Variants in SLC19A1 observed in about 807,000 individuals in gnomAD.
The protein encoded by SLC19A1 is reduced folate transporter.
A neutral mutation model predicts 35.3 loss-of-function variants in SLC19A1; 37 were observed. That is an observed-to-expected ratio of 1.05 (90% CI 0.81 to 1.38). The LOEUF (loss-of-function observed/expected upper bound fraction) is 1.38. Ranked by LOEUF, SLC19A1 falls within the 40% of genes most tolerant of loss-of-function variation. SLC19A1 has a pLI of 0.00. For missense variants in SLC19A1, 831 were observed against 826.9 expected, an observed-to-expected ratio of 1.00 and a Z score of -0.06; for synonymous variants, 460 against 398.5, an observed-to-expected ratio of 1.15 and a Z score of -1.84.
In SLC19A1 at chr21:45,504,479, G is replaced by A. The variant is rs746414569; in HGVS notation, c.498-5867C>T. 83 of 1,603,646 alleles carry A rather than the reference G, an allele frequency of 5.2e-5. No homozygotes were observed. Among genetic ancestry groups the A allele is most frequent in the South Asian group, 1.8e-4 (16 of 90,672 alleles). On this transcript the variant is annotated intron_variant, in intron 3 of 4. Coordinates refer to the SLC19A1 transcript ENST00000417954. Reference sequence around the variant, plus strand: ...CGAAAGGGGGGAGCCCGGGGGCGGCGGTTTCTTCGGCTCCAGCCTGCCCGG... The same window carrying A: ...CGAAAGGGGGGAGCCCGGGGGCGGCAGTTTCTTCGGCTCCAGCCTGCCCGG...
chr21:45,525,764 T>A lies in SLC19A1; in HGVS notation c.1293+53A>T, dbSNP rs2077588995. ...GGCGGGCACCAGGAGGCCTCAACAA[T>A]GTCCCCACAAGTAGCTTCCATCCCC... On this transcript the variant is annotated intron_variant, in intron 5 of 5. Transcript: ENST00000311124. 10 of 1,595,274 alleles carry A rather than the reference T, an allele frequency of 6.3e-6. No individual in the cohort carries two copies. In the South Asian group the frequency reaches 1.1e-4, roughly 18 times the overall value.
Position 45,506,656 on chromosome 21 carries a change from C to T in SLC19A1, c.498-8044G>A, listed in dbSNP as rs564074999. ...TGCCGCCGAAACGGCCTGTGACATC[C>T]GTGGGAGCCTCCATGGCAGAACACT... is the stretch of plus-strand genomic sequence containing the variant. On this transcript the variant is annotated intron_variant, in intron 3 of 4. Coordinates refer to the SLC19A1 transcript ENST00000417954. 4.7e-5 allele frequency: 8 copies of T among 170,914 alleles called. No homozygotes were observed. The South Asian group carries it at 6.6e-4, about 14-fold the overall frequency. The allele number at this position is 170,914 out of a possible 1,614,324, so 10.6% of individuals were successfully genotyped here.
In SLC19A1 at chr21:45,515,424, A is replaced by G. The variant is rs1265941656; in HGVS notation, c.*234T>C. The G allele has an allele frequency of 6.4e-6, 9 of 1,400,502 alleles. No individual in the cohort carries two copies. The highest frequency in any genetic ancestry group is 7.3e-6 in the Non-Finnish European group (8 of 1,093,562). The allele number at this position is 1,400,502 out of a possible 1,614,324, so 86.8% of individuals were successfully genotyped here. A position where few individuals can be genotyped will look rare whatever the true frequency, so the allele number is the denominator to read the frequency against. On this transcript the variant is annotated 3_prime_UTR_variant, in exon 6 of 6. Transcript: ENST00000311124. ...CAGAAGCCCACCACCCACCTCTTCC[A>G]GCAACAAAGCCCGCGGGGCACAGTG... is the stretch of plus-strand genomic sequence containing the variant.
At position 45,514,257 on chromosome 21, in the gene SLC19A1, AC is replaced by A. The variant is rs143496464; in HGVS notation, c.*1400del. ...CGAGCCCAGGAAATGGCTGGTGCAGACCCCCCCCCAAGCAGGGTCCCCAGGG... is the reference window on the plus strand; with the variant it reads ...CGAGCCCAGGAAATGGCTGGTGCAGACCCCCCCCAAGCAGGGTCCCCAGGG... On this transcript the variant is annotated 3_prime_UTR_variant, in exon 6 of 6. Transcript: ENST00000311124. The A allele has an allele frequency of 1.1e-3, 158 of 147,690 alleles. 2 individuals carry two copies. The highest frequency in any genetic ancestry group is 3.4e-3 in the African/African-American group (137 of 39,834). 9.1% of individuals were successfully genotyped at this position (147,690 alleles called of 1,614,324 possible). A position where few individuals can be genotyped will look rare whatever the true frequency, so the allele number is the denominator to read the frequency against.
chr21:45,509,288 G>C (rs2146118611), downstream of SLC19A1: 6 of 1,530,930 alleles, frequency 3.9e-6, no homozygotes, highest in Non-Finnish European at 5.2e-6. Flanking sequence ...GCCCAGAGGA[G>C]GACACAGATG....
At chr21:45,529,860 G>C (rs2077798239) in intron 4 of SLC19A1, among the ~76,000 whole-genome samples, 3 of 151,332 alleles carry the variant, frequency 2.0e-5, no homozygotes, top group Non-Finnish European at 4.4e-5. Flanking sequence ...CCATGTGTAA[G>C]CATATGGTGC....
intron 1 of SLC19A1, among the ~76,000 whole-genome samples, chr21:45,542,086 C>G (rs2078325868): frequency 6.8e-6 from 1 of 147,246 alleles, no homozygotes; most frequent in African/African-American, 2.5e-5. Flanking sequence ...CCGGCCACGC[C>G]CCGCACCCTC....
At chr21:45,509,991 G>C (rs2037479043), downstream of SLC19A1, 1 of 1,498,752 alleles carries the variant, frequency 6.7e-7, no homozygotes, top group Admixed American at 2.0e-5. Context: ...TGCGGGGCCG[G>C]GGTGGTGCGC....
intron 3 of SLC19A1, chr21:45,503,856 T>C: frequency 3.4e-6 from 2 of 590,254 alleles, no homozygotes; most frequent in South Asian, 2.4e-5. Context: ...TCAGAAAGTA[T>C]CGGTTAACTA....
intron 1 of SLC19A1, among the ~76,000 whole-genome samples, chr21:45,560,630 G>A (rs1025118507): frequency 4.6e-5 from 7 of 152,250 alleles, no homozygotes; most frequent in African/African-American, 1.7e-4. Context: ...GGCCGCACAC[G>A]GCGGGGCAGG....
upstream of SLC19A1, among the ~76,000 whole-genome samples, chr21:45,547,196 G>A (rs778612503): frequency 6.6e-6 from 1 of 152,164 alleles, no homozygotes. Context: ...TCTCTATACC[G>A]AAAGCTGCAG....
downstream of SLC19A1, chr21:45,509,572 G>A (rs754037826): frequency 3.6e-5 from 54 of 1,521,116 alleles, no homozygotes; most frequent in South Asian, 2.7e-4. Flanking sequence ...AAGCCCACCC[G>A]CCCACAGCCA....
At position 45,514,213 on chromosome 21, in the gene SLC19A1, T is replaced by A. The variant is rs1326587600; in HGVS notation, c.*1445A>T. On this transcript the variant is annotated 3_prime_UTR_variant, in exon 6 of 6. Transcript: ENST00000311124. ...CACAGGCCCAGCCCACCTCCACCCATCACATCCTGCTAGATCTACGAGCCC... is the reference window on the plus strand; with the variant it reads ...CACAGGCCCAGCCCACCTCCACCCAACACATCCTGCTAGATCTACGAGCCC... 6.6e-6 allele frequency: 1 copy of A among 151,146 alleles called. No homozygotes were observed. Among genetic ancestry groups the A allele is most frequent in the Non-Finnish European group, 1.5e-5 (1 of 68,026 alleles). The allele number at this position is 151,146 out of a possible 1,614,324, so 9.4% of individuals were successfully genotyped here.
chr21:45,546,518 A>C (rs916485830), upstream of SLC19A1, among the ~76,000 whole-genome samples: 3 of 152,244 alleles, frequency 2.0e-5, no homozygotes, highest in Admixed American at 6.5e-5. Context: ...CTGGCCCAGC[A>C]GCAGAACACT....
downstream of SLC19A1, chr21:45,510,033 C>A: frequency 1.3e-6 from 2 of 1,538,434 alleles, no homozygotes; most frequent in Non-Finnish European, 1.7e-6. Flanking sequence ...CAGCGTGGGA[C>A]ACAGCCCGTG....
chr21:45,560,808 C>T (rs542105299), intron 1 of SLC19A1, among the ~76,000 whole-genome samples: 2 of 152,366 alleles, frequency 1.3e-5, no homozygotes, highest in African/African-American at 4.8e-5. Flanking sequence ...AGCACCCAGG[C>T]TTGGAGCTGA....
downstream of SLC19A1, chr21:45,511,259 G>A (rs762984829): frequency 1.8e-5 from 22 of 1,255,354 alleles, no homozygotes; most frequent in South Asian, 1.9e-4. Flanking sequence ...GCAGCTCTGA[G>A]AGCCCCAGCC....
intron 2 of SLC19A1, chr21:45,536,164 T>C (rs1602866888): frequency 6.3e-6 from 1 of 159,016 alleles, no homozygotes; most frequent in East Asian, 1.7e-4. Context: ...GCACCCATCG[T>C]CCCTCTGATG....
chr21:45,539,912 G>A (rs1257659065), intron 1 of SLC19A1, among the ~76,000 whole-genome samples: 1 of 152,180 alleles, frequency 6.6e-6, no homozygotes, highest in African/African-American at 2.4e-5. Context: ...GGAAGAAGAT[G>A]GGACCAGCAC....
Sources: gnomAD v4.1 joint callset for allele counts (sites outside exome capture counted in the v4.1 genomes callset) on GRCh38, gnomAD v4.1.1 for gene constraint, MANE v1.5 for transcripts, NCBI Gene and HGNC (gene_info 2026-07-23, HGNC 2026-07-21) for gene names.